Variants in FMN1 observed in about 807,000 individuals in gnomAD.
The protein encoded by FMN1 is formin 1.
Under a neutral mutation model 132.4 loss-of-function variants are expected in FMN1, and 110 were observed. That is an observed-to-expected ratio of 0.83 (90% CI 0.71 to 0.97). The LOEUF (loss-of-function observed/expected upper bound fraction) is 0.97. FMN1 is among the 50% of genes least tolerant of loss of function. The probability of loss-of-function intolerance (pLI) is 0.00; values close to 1 mark genes in which losing one functional copy is unlikely to be tolerated. For synonymous variants in FMN1, 722 were observed against 651.7 expected, an observed-to-expected ratio of 1.11 and a Z score of -1.64; for missense variants, 1,792 against 1,705.3, an observed-to-expected ratio of 1.05 and a Z score of -0.90.
At chr15:33,040,222 C>T (rs1026554282) in intron 6 of FMN1, among the ~76,000 whole-genome samples, 1 of 152,228 alleles carries the variant, frequency 6.6e-6, no homozygotes, top group Non-Finnish European at 1.5e-5. Context: ...TATTGTCTCC[C>T]CAAGTCAGCT....
In FMN1 at chr15:32,809,038, C is replaced by G. The variant is rs190345590; in HGVS notation, c.3929-4706G>C. ...TGTTTCAGCTCATTTTGTTTTATTT[C>G]ATCCTCAGGAGAAAGAGAAAAACTT... is the stretch of plus-strand genomic sequence containing the variant. On this transcript the variant is annotated intron_variant, in intron 17 of 20. Transcript: ENST00000616417. Among the ~76,000 whole-genome samples the G allele has an allele frequency of 5.3e-3, 792 of 148,984 alleles. 10 individuals are homozygous for G. Among genetic ancestry groups the G allele is most frequent in the African/African-American group, 0.019 (757 of 40,080 alleles).
At chr15:33,112,308 A>G (rs1304661815) in intron 4 of FMN1, among the ~76,000 whole-genome samples, 1 of 151,474 alleles carries the variant, frequency 6.6e-6, no homozygotes, top group Non-Finnish European at 1.5e-5. Context: ...ATATTTTTAT[A>G]TAATTTTGTT....
intron 6 of FMN1, among the ~76,000 whole-genome samples, chr15:33,016,665 G>A (rs540642933): frequency 6.6e-6 from 1 of 152,316 alleles, no homozygotes; most frequent in South Asian, 2.1e-4. Flanking sequence ...CCTTTTGTCA[G>A]CGGGCCTTCA....
intron 7 of FMN1, among the ~76,000 whole-genome samples, chr15:32,981,018 A>G (rs758686396): frequency 6.6e-6 from 1 of 152,146 alleles, no homozygotes; most frequent in Non-Finnish European, 1.5e-5. Context: ...TGTCTCAAAA[A>G]AGAATGAAAT....
chr15:32,803,064 G>A (rs924635854), intron 18 of FMN1, among the ~76,000 whole-genome samples: 1 of 152,196 alleles, frequency 6.6e-6, no homozygotes, highest in African/African-American at 2.4e-5. Flanking sequence ...ACCTGTGAAA[G>A]CAGGGCAGAT....
chr15:32,974,141 G>C (rs914643702), intron 7 of FMN1, among the ~76,000 whole-genome samples: 5 of 152,168 alleles, frequency 3.3e-5, no homozygotes, highest in Non-Finnish European at 5.9e-5. Flanking sequence ...GTGCTTGTAA[G>C]CAGTATCCAA....
intron 19 of FMN1, among the ~76,000 whole-genome samples, chr15:32,786,703 G>A (rs913388895): frequency 7.2e-5 from 11 of 152,274 alleles, no homozygotes; most frequent in East Asian, 1.9e-4. Flanking sequence ...TGAGGGCAAC[G>A]TTTTGATCTT....
intron 16 of FMN1, among the ~76,000 whole-genome samples, chr15:32,864,413 C>T (rs1031227806): frequency 6.6e-6 from 1 of 152,184 alleles, no homozygotes; most frequent in Non-Finnish European, 1.5e-5. Flanking sequence ...AATAGCCCTT[C>T]AAAGCCCACA....
chr15:32,898,230 C>T (rs966214415), intron 15 of FMN1, among the ~76,000 whole-genome samples: 6 of 152,298 alleles, frequency 3.9e-5, no homozygotes, highest in East Asian at 1.9e-4. Flanking sequence ...CTATTCATAT[C>T]GATTGCTATA....
intron 4 of FMN1, among the ~76,000 whole-genome samples, chr15:33,113,342 TATC>T (rs2039785192): frequency 6.6e-6 from 1 of 152,234 alleles, no homozygotes; most frequent in Non-Finnish European, 1.5e-5. Flanking sequence ...AAATTTGAAT[TATC>T]TATTGTTTTA....
At chr15:33,055,068 G>T (rs2037155343) in intron 6 of FMN1, among the ~76,000 whole-genome samples, 2 of 152,226 alleles carry the variant, frequency 1.3e-5, no homozygotes, top group South Asian at 4.2e-4. Flanking sequence ...AGTGGGGATT[G>T]GACAATGCCT....
chr15:33,004,325 G>A (rs191610085), intron 7 of FMN1, among the ~76,000 whole-genome samples: 1 of 151,668 alleles, frequency 6.6e-6, no homozygotes, highest in Admixed American at 6.6e-5. Flanking sequence ...AGAATCTACA[G>A]TGAACTCAAA....
chr15:32,957,750 A>G lies in FMN1; in HGVS notation c.3138+6357T>C, dbSNP rs575530054. ...ACGTACTCTTATAATTTCATATTAT[A>G]CTTATAATAACCATATTAAGGGGGT... On this transcript the variant is annotated intron_variant, in intron 9 of 20. Coordinates refer to ENST00000616417, the MANE Select transcript of FMN1 (RefSeq NM_001277313.2). Among the ~76,000 whole-genome samples, 19 of 152,352 alleles carry G rather than the reference A, an allele frequency of 1.2e-4. No homozygotes were observed. The East Asian group carries it at 3.5e-3, about 28-fold the overall frequency.
chr15:32,915,974 C>CT (rs2060675113), intron 10 of FMN1, among the ~76,000 whole-genome samples: 2 of 152,146 alleles, frequency 1.3e-5, no homozygotes, highest in African/African-American at 4.8e-5. Context: ...TTCTGGGCTT[C>CT]TTTTTTGCAG....
At chr15:33,170,099 C>A (rs991370407) in intron 3 of FMN1, among the ~76,000 whole-genome samples, 9 of 151,972 alleles carry the variant, frequency 5.9e-5, no homozygotes, top group African/African-American at 2.2e-4. Flanking sequence ...ATGGAGAACC[C>A]AGAAATAAAT....
intron 4 of FMN1, among the ~76,000 whole-genome samples, chr15:33,116,547 T>C (rs2039933024): frequency 6.6e-6 from 1 of 152,232 alleles, no homozygotes; most frequent in African/African-American, 2.4e-5. Flanking sequence ...CTTTGCTCAA[T>C]TAAATTCTGT....
At chr15:32,900,388 T>G (rs2060266471) in intron 13 of FMN1, 6 of 598,750 alleles carry the variant, frequency 1.0e-5, no homozygotes, top group Non-Finnish European at 1.2e-5. Context: ...GGTTTTATAT[T>G]TTCATTTGAG....
intron 4 of FMN1, among the ~76,000 whole-genome samples, chr15:33,102,584 A>T (rs139608403): frequency 5.3e-4 from 80 of 152,108 alleles, no homozygotes; most frequent in African/African-American, 1.9e-3. Flanking sequence ...ACAAGCAAAG[A>T]TTCCACCATA....
chr15:32,979,690 T>C (rs987679046), intron 7 of FMN1, among the ~76,000 whole-genome samples: 2 of 152,120 alleles, frequency 1.3e-5, no homozygotes, highest in African/African-American at 4.8e-5. Context: ...TACAGTGCTA[T>C]TATTTTTACT....
Sources: gnomAD v4.1 joint callset for allele counts (sites outside exome capture counted in the v4.1 genomes callset) on GRCh38, gnomAD v4.1.1 for gene constraint, MANE v1.5 for transcripts, NCBI Gene and HGNC (gene_info 2026-07-23, HGNC 2026-07-21) for gene names.